PRKCD: variants seen among roughly 807,000 people sequenced by gnomAD.
PRKCD encodes the protein protein kinase C delta, also known as protein kinase C delta type.
PRKCD carries 20 observed loss-of-function variants against 82.2 expected under a neutral mutation model. That is an observed-to-expected ratio of 0.24 (90% CI 0.17 to 0.35). The LOEUF (loss-of-function observed/expected upper bound fraction) is 0.35. Ranked by LOEUF, PRKCD falls within the 10% of genes least tolerant of loss-of-function variation. The probability of loss-of-function intolerance (pLI) is 1.00; values close to 1 mark genes in which losing one functional copy is unlikely to be tolerated. For missense variants in PRKCD, 607 were observed against 899.0 expected (o/e 0.68, Z 4.15); for synonymous variants, 317 against 337.0 (o/e 0.94, Z 0.65).
Position 53,185,547 on chromosome 3 carries a change from C to T in PRKCD, c.889-57C>T, listed in dbSNP as rs1703642034. 2.8e-6 allele frequency: 4 copies of T among 1,446,358 alleles called. No homozygotes were observed. In the South Asian group the frequency reaches 3.5e-5, roughly 13 times the overall value. The allele number at this position is 1,446,358 out of a possible 1,614,324, so 89.6% of individuals were successfully genotyped here. On this transcript the variant is annotated intron_variant, in intron 10 of 18. Coordinates refer to ENST00000330452, the MANE Select transcript of PRKCD (RefSeq NM_006254.4). ...TATACCTGGGAGTCTTCCTTCTGGG[C>T]TGGGAGTTCTGATAATGGTCTGACC... is the stretch of plus-strand genomic sequence containing the variant.
At chr3:53,181,353 G>C in intron 5 of PRKCD, 86 bp downstream of exon 5, 3 of 1,607,704 alleles carry the variant, frequency 1.9e-6, no homozygotes, top group Non-Finnish European at 2.6e-6. Flanking sequence ...GCTCCCTTCG[G>C]CAGAGCTGTC....
In PRKCD at chr3:53,192,176, C is replaced by T. The variant is rs781997779; in HGVS notation, c.1941C>T (p.Ser647=). The change falls in exon 19 of 19, where the codon AGC becomes AGT. Residue 647 remains serine, a synonymous_variant. Transcript: ENST00000330452. ...ACGAGAAGGCGCGCCTCTCCTACAG[C>T]GACAAGAACCTCATCGACTCCATGG... ...FLNEKARLSY[S]DKNLIDSMDQ... 3.2e-5 allele frequency: 52 copies of T among 1,613,946 alleles called. No individual in the cohort carries two copies. Among genetic ancestry groups the T allele is most frequent in the Admixed American group, 5.0e-5 (3 of 59,994 alleles).
chr3:53,185,975 A>T lies in PRKCD; in HGVS notation c.1034A>T (p.Asn345Ile). ...GKIWEGSSKC[N>I]INNFIFHKVL... is the part of the protein sequence containing the mutation. ...ATCTGGGAGGGCAGCAGCAAGTGCA[A>T]CATCAACAACTTCATCTTCCACAAG... The change falls in exon 12 of 19, where the codon AAC becomes ATC. Residue 345 changes from asparagine to isoleucine, a missense_variant. Asn to Ile is a moderately radical substitution (Grantham distance 149). Coordinates refer to ENST00000330452, the MANE Select transcript of PRKCD (RefSeq NM_006254.4). 1 of 1,614,232 alleles carries T rather than the reference A, an allele frequency of 6.2e-7. No individual in the cohort carries two copies. The highest frequency in any genetic ancestry group is 8.5e-7 in the Non-Finnish European group (1 of 1,180,034).
At chr3:53,183,648 C>T in intron 9 of PRKCD, 67 bp downstream of exon 9, 1 of 1,583,994 alleles carries the variant, frequency 6.3e-7, no homozygotes. Flanking sequence ...TGAATTCCAG[C>T]CACCTCACGC....
intron 2 of PRKCD, among the ~76,000 whole-genome samples, chr3:53,171,316 C>T (rs1703022212): frequency 1.3e-5 from 2 of 152,156 alleles, no homozygotes; most frequent in Non-Finnish European, 1.5e-5. Context: ...CCAAGGAGGC[C>T]CTACCCCACA....
chr3:53,172,036 G>C (rs782345317), intron 2 of PRKCD, among the ~76,000 whole-genome samples: 3 of 152,056 alleles, frequency 2.0e-5, no homozygotes, highest in Admixed American at 6.5e-5. Flanking sequence ...AGCGCTGGCT[G>C]GGGGATGAGG....
At chr3:53,184,768 C>T (rs923282080) in intron 9 of PRKCD, 106 bp from the exon 10 acceptor site, 58 of 837,508 alleles carry the variant, frequency 6.9e-5, no homozygotes, top group Non-Finnish European at 2.2e-5. Context: ...ACCCAGCAGA[C>T]CCCACTGAAG....
intron 10 of PRKCD, 90 bp downstream of exon 10, chr3:53,185,064 C>A: frequency 8.4e-7 from 1 of 1,196,994 alleles, no homozygotes; most frequent in Non-Finnish European, 1.2e-6. Flanking sequence ...CCACAGACAG[C>A]CAGGATATAT....
chr3:53,185,819 G>A lies in PRKCD; in HGVS notation c.986-108G>A, dbSNP rs1435888881. The A allele has an allele frequency of 4.0e-6, 6 of 1,516,916 alleles. No homozygotes were observed. The Admixed American group carries it at 5.0e-5, about 13-fold the overall frequency. The allele number at this position is 1,516,916 out of a possible 1,614,324, so 94.0% of individuals were successfully genotyped here. On this transcript the variant is annotated intron_variant, in intron 11 of 18. Coordinates refer to ENST00000330452, the MANE Select transcript of PRKCD (RefSeq NM_006254.4). ...GAAGGAACCACCGGTCCTGGGGAGC[G>A]AGCCCCTTCCTCTCTGAGGCCCCTT...
chr3:53,171,013 C>T (rs543842050), intron 2 of PRKCD, among the ~76,000 whole-genome samples: 1 of 152,208 alleles, frequency 6.6e-6, no homozygotes, highest in African/African-American at 2.4e-5. Flanking sequence ...GTGGCTCCAA[C>T]TGTGTGCGTG....
At chr3:53,191,990 C>A in intron 18 of PRKCD, 118 bp from the exon 19 acceptor site, 2 of 1,055,406 alleles carry the variant, frequency 1.9e-6, no homozygotes, top group South Asian at 1.5e-5. Flanking sequence ...GAGGCTCTGT[C>A]TTCTGTTCTG....
At chr3:53,184,473 C>T (rs1344936614) in intron 9 of PRKCD, among the ~76,000 whole-genome samples, 6 of 151,978 alleles carry the variant, frequency 3.9e-5, no homozygotes, top group South Asian at 2.1e-4. Context: ...GTGGGGAGTT[C>T]GAGACCAGCC....
At chr3:53,170,495 A>T (rs1559617084) in intron 2 of PRKCD, among the ~76,000 whole-genome samples, 1 of 152,178 alleles carries the variant, frequency 6.6e-6, no homozygotes, top group Non-Finnish European at 1.5e-5. Context: ...CCTCCACCAT[A>T]GCCTCAGGGC....
At chr3:53,179,834 ATGCGTGCATGTGTGTGCG>A in intron 4 of PRKCD, 58 bp downstream of exon 4, 1 of 1,531,386 alleles carries the variant, frequency 6.5e-7, no homozygotes, top group Non-Finnish European at 8.8e-7. Flanking sequence ...GTGTGTGTGC[ATGCGTGCATGTGTGTGCG>A]TGCACACACG....
At position 53,181,472 on chromosome 3, in the gene PRKCD, C is replaced by T. The variant is rs200462015; in HGVS notation, c.405C>T (p.Asp135=). 4.6e-5 allele frequency: 74 copies of T among 1,614,174 alleles called. No homozygotes were observed. Among genetic ancestry groups the T allele is most frequent in the East Asian group, 2.0e-4 (9 of 44,882 alleles). Residue 135 remains aspartate, a synonymous_variant, in exon 6 of 19, where the codon GAC becomes GAT. Transcript: ENST00000330452. ...GCAAACAGTCTATGCGCAGTGAGGACGAGGCCAAGTTCCCAACGATGAACC... is the reference window on the plus strand; with the variant it reads ...GCAAACAGTCTATGCGCAGTGAGGATGAGGCCAAGTTCCCAACGATGAACC... The part of the protein sequence containing the change: ...VDCKQSMRSE[D]EAKFPTMNRR...
Position 53,185,935 on chromosome 3 carries a change from G to A in PRKCD, c.994G>A (p.Gly332Arg). The A allele has an allele frequency of 1.2e-6, 2 of 1,614,144 alleles. No homozygotes were observed. Among genetic ancestry groups the A allele is most frequent in the Non-Finnish European group, 1.7e-6 (2 of 1,179,988 alleles). Residue 332 changes from glycine to arginine, a missense_variant, in exon 12 of 19, where the codon GGG becomes AGG. Coordinates refer to ENST00000330452, the MANE Select transcript of PRKCD (RefSeq NM_006254.4). Reference sequence around the variant, plus strand: ...TGCCATCTCTCGGGCAGACAACAGTGGGACCTACGGCAAGATCTGGGAGGG... The same window carrying A: ...TGCCATCTCTCGGGCAGACAACAGTAGGACCTACGGCAAGATCTGGGAGGG... ...VAGEDMQDNSGTYGKIWEGSS... is the reference protein window; with the variant it reads ...VAGEDMQDNSRTYGKIWEGSS...
rs537641792 is a variant in PRKCD, at chr3:53,170,113, C to G, written c.-20+4898C>G. Among the ~76,000 whole-genome samples the G allele has an allele frequency of 9.9e-5, 15 of 151,082 alleles. No homozygotes were observed. In the South Asian group the frequency reaches 3.0e-3, roughly 30 times the overall value. The stretch of plus-strand genomic sequence containing the variant: ...TCTCCCAAACACAAAACGATTGTTT[C>G]CAATGGTAAACCATCTGGAAAATCG... On this transcript the variant is annotated intron_variant, in intron 2 of 18. Coordinates refer to ENST00000330452, the MANE Select transcript of PRKCD (RefSeq NM_006254.4).
At chr3:53,171,990 G>T (rs1218173296) in intron 2 of PRKCD, among the ~76,000 whole-genome samples, 2 of 152,064 alleles carry the variant, frequency 1.3e-5, no homozygotes, top group Non-Finnish European at 2.9e-5. Context: ...ACAGGTACTG[G>T]TTGGTCTGTG....
At chr3:53,166,987 G>A (rs1290234799) in intron 2 of PRKCD, among the ~76,000 whole-genome samples, 1 of 152,268 alleles carries the variant, frequency 6.6e-6, no homozygotes, top group Non-Finnish European at 1.5e-5. Context: ...GTGGGTGGGG[G>A]TCCTATCAAC....
Sources: gnomAD v4.1 joint callset for allele counts (sites outside exome capture counted in the v4.1 genomes callset) on GRCh38, gnomAD v4.1.1 for gene constraint, MANE v1.5 for transcripts, NCBI Gene and HGNC (gene_info 2026-07-23, HGNC 2026-07-21) for gene names.